Variants in MYH15 observed in about 807,000 individuals in gnomAD.
MYH15 encodes the protein myosin heavy chain 15.
Under a neutral mutation model 240.5 loss-of-function variants are expected in MYH15, and 227 were observed. The ratio of observed to expected loss-of-function variants is 0.94; its 90% CI spans 0.85 to 1.05. The LOEUF is 1.05. MYH15 is among the 50% of genes least tolerant of loss of function. The probability of loss-of-function intolerance (pLI) is 0.00; values close to 1 mark genes in which losing one functional copy is unlikely to be tolerated. For missense variants in MYH15, 2,217 were observed against 2,247.5 expected (o/e 0.99, Z 0.27); for synonymous variants, 785 against 796.7 (o/e 0.99, Z 0.25).
At chr3:108,471,114 A>G in intron 12 of MYH15, among the ~76,000 whole-genome samples, 2 of 147,426 alleles carry the variant, frequency 1.4e-5, no homozygotes, top group South Asian at 4.5e-4. Context: ...GGAGGGGGAA[A>G]ATGAAGGGGA....
At chr3:108,543,825 C>A in the MYH15 span, 8 of 152,354 alleles carry the variant, frequency 5.3e-5, no homozygotes, top group Non-Finnish European at 8.8e-5. Context: ...GCTACTGCCA[C>A]TTCTTGTGGA....
intron 22 of MYH15, among the ~76,000 whole-genome samples, chr3:108,442,550 G>C (rs2082893117): frequency 6.6e-6 from 1 of 152,090 alleles, no homozygotes; most frequent in Admixed American, 6.6e-5. Context: ...TACAAGACCT[G>C]TCACCATCAC....
At chr3:108,396,653 A>G (rs1343617031) in intron 35 of MYH15, among the ~76,000 whole-genome samples, 3 of 152,152 alleles carry the variant, frequency 2.0e-5, no homozygotes, top group Non-Finnish European at 4.4e-5. Flanking sequence ...AGTCTATTTT[A>G]TAAGAATCCA....
intron 37 of MYH15, among the ~76,000 whole-genome samples, chr3:108,391,514 G>A (rs983974461): frequency 2.6e-5 from 4 of 152,158 alleles, no homozygotes; most frequent in Admixed American, 6.5e-5. Flanking sequence ...AAGAAGGGCT[G>A]CAATGTTAGT....
At chr3:108,432,989 T>C (rs1397829056) in intron 25 of MYH15, among the ~76,000 whole-genome samples, 1 of 152,170 alleles carries the variant, frequency 6.6e-6, no homozygotes, top group African/African-American at 2.4e-5. Flanking sequence ...AGAGGGCCAC[T>C]GTCCTCCAGA....
At chr3:108,537,932 TTC>T in the MYH15 span, among the ~76,000 whole-genome samples, 4 of 152,192 alleles carry the variant, frequency 2.6e-5, no homozygotes, top group Non-Finnish European at 5.9e-5. Flanking sequence ...TCGCTGATAT[TTC>T]TGTCTCCTTG....
At chr3:108,417,762 TAC>T (rs1295498273) in intron 28 of MYH15, among the ~76,000 whole-genome samples, 1 of 147,934 alleles carries the variant, frequency 6.8e-6, no homozygotes, top group Non-Finnish European at 1.5e-5. Flanking sequence ...CAGTGTCAGA[TAC>T]ACACACACAC....
chr3:108,455,997 A>T, intron 19 of MYH15, 138 bp from the exon 20 acceptor site: 1 of 846,844 alleles, frequency 1.2e-6, no homozygotes, highest in Non-Finnish European at 1.8e-6. Context: ...CAAGATTCTT[A>T]GTAACAATAA....
At position 108,383,739 on chromosome 3, in the gene MYH15, T is replaced by TAA. The variant is rs397818948; in HGVS notation, c.5632-12_5632-11dup. Reference sequence around the variant, plus strand: ...GATTGGCTTGTGTTTCCTATAAAAATAAAAAAAAAAAAAAAGAAATCTCCA... The same window carrying TAA: ...GATTGGCTTGTGTTTCCTATAAAAATAAAAAAAAAAAAAAAAAGAAATCTCCA... On this transcript the variant is annotated splice_polypyrimidine_tract_variant and intron_variant, in intron 39 of 40. Transcript: ENST00000693548. The TAA allele has an allele frequency of 0.051, 68,360 of 1,339,980 alleles. 277 individuals carry two copies. The highest frequency in any genetic ancestry group is 0.053 in the Non-Finnish European group (54,170 of 1,020,264). The allele number at this position is 1,339,980 out of a possible 1,614,324, so 83.0% of individuals were successfully genotyped here.
intron 33 of MYH15, among the ~76,000 whole-genome samples, chr3:108,400,202 CT>C (rs2082493631): frequency 2.0e-5 from 3 of 152,188 alleles, no homozygotes; most frequent in Admixed American, 1.3e-4. Flanking sequence ...GAACCTGGGT[CT>C]TTCAATGACT....
In MYH15 at chr3:108,523,023, C is replaced by T. The variant is rs188457720; in HGVS notation, c.-58+6240G>A. Among the ~76,000 whole-genome samples, 3 of 152,050 alleles carry T rather than the reference C, an allele frequency of 2.0e-5. No homozygotes were observed. In the East Asian group the frequency reaches 5.8e-4, roughly 29 times the overall value. ...TGTGATTTGAGAACAAGAACATTTG[C>T]GAAAGGACTTGATGTGTGGATATAA... On this transcript the variant is annotated intron_variant, in intron 1 of 41. Transcript: ENST00000273353.
intron 1 of MYH15, among the ~76,000 whole-genome samples, chr3:108,506,522 T>C (rs911532227): frequency 3.9e-5 from 6 of 152,208 alleles, no homozygotes; most frequent in African/African-American, 1.2e-4. Flanking sequence ...AGAACTCTTA[T>C]GAACACCTGA....
At chr3:108,383,288 A>G (rs1168343461) in intron 40 of MYH15, among the ~76,000 whole-genome samples, 2 of 152,218 alleles carry the variant, frequency 1.3e-5, no homozygotes, top group Non-Finnish European at 2.9e-5. Context: ...ACTTTGTTCC[A>G]TGGACTCCTG....
intron 21 of MYH15, among the ~76,000 whole-genome samples, chr3:108,449,715 G>C (rs1303235325): frequency 1.3e-5 from 2 of 151,820 alleles, no homozygotes; most frequent in Non-Finnish European, 2.9e-5. Flanking sequence ...GGCAACACAA[G>C]CAAAAATAGA....
chr3:108,406,592 C>A (rs1408543766), intron 32 of MYH15, among the ~76,000 whole-genome samples: 1 of 152,162 alleles, frequency 6.6e-6, no homozygotes, highest in Non-Finnish European at 1.5e-5. Flanking sequence ...CTTTAGGGAA[C>A]ATGACCTGGG....
rs964312682 is a variant in MYH15 at position 108,431,737 on chromosome 3, A to C, written c.3222-815T>G. The stretch of plus-strand genomic sequence containing the variant: ...ATAGGCAGAGGTTGGAACAGTTTGG[A>C]GGGCTCAGAAGAAGAAAGGAAAATG... On this transcript the variant is annotated intron_variant, in intron 25 of 40. Coordinates refer to ENST00000693548, the MANE Select transcript of MYH15 (RefSeq NM_014981.3). Among the ~76,000 whole-genome samples the C allele has an allele frequency of 1.1e-4, 17 of 152,304 alleles. No homozygotes were observed. In the East Asian group the frequency reaches 2.3e-3, roughly 21 times the overall value.
intron 21 of MYH15, among the ~76,000 whole-genome samples, chr3:108,447,413 T>G (rs1323199518): frequency 6.6e-6 from 1 of 152,028 alleles, no homozygotes; most frequent in African/African-American, 2.4e-5. Flanking sequence ...TCTTCACCAA[T>G]GCACATTATA....
chr3:108,431,664 C>T (rs1230998826), intron 25 of MYH15, among the ~76,000 whole-genome samples: 1 of 152,092 alleles, frequency 6.6e-6, no homozygotes, highest in Non-Finnish European at 1.5e-5. Flanking sequence ...GAGTGGGGTG[C>T]TGATGAAAAG....
At position 108,394,111 on chromosome 3, in the gene MYH15, C is replaced by A. The variant is rs763478257; in HGVS notation, c.5179G>T (p.Ala1727Ser). 79 of 1,614,112 alleles carry A rather than the reference C, an allele frequency of 4.9e-5. No individual in the cohort carries two copies. Among genetic ancestry groups the A allele is most frequent in the Non-Finnish European group, 6.4e-5 (76 of 1,179,968 alleles). Reference protein sequence around the residue: ...SQKKKLEADVARMQKEAEEVV... With the variant: ...SQKKKLEADVSRMQKEAEEVV... ...TCTTCAGCTTCTTTCTGCATCCGGGCAACATCAGCCTCCAGTTTCTTCTTC... is the reference window on the plus strand; with the variant it reads ...TCTTCAGCTTCTTTCTGCATCCGGGAAACATCAGCCTCCAGTTTCTTCTTC... Residue 1727 changes from alanine (A) to serine (S), a missense_variant, in exon 36 of 41, where the codon GCC becomes TCC. By Grantham distance (99) the Ala-to-Ser change is moderately conservative (BLOSUM62 1). Coordinates refer to ENST00000693548, the MANE Select transcript of MYH15 (RefSeq NM_014981.3).
Sources: allele counts gnomAD v4.1 joint callset (sites outside exome capture counted in the v4.1 genomes callset), GRCh38; gene constraint gnomAD v4.1.1; transcripts MANE v1.5; gene names NCBI Gene and HGNC (gene_info 2026-07-23, HGNC 2026-07-21).